Variants in CCDC158 observed in about 807,000 individuals in gnomAD.
The protein encoded by CCDC158 is coiled-coil domain-containing protein 158.
Under a neutral mutation model 138.6 loss-of-function variants are expected in CCDC158, and 116 were observed. The ratio of observed to expected loss-of-function variants is 0.84; its 90% CI spans 0.72 to 0.98. The LOEUF (loss-of-function observed/expected upper bound fraction) is 0.98. Ranked by LOEUF, CCDC158 falls within the 50% of genes least tolerant of loss-of-function variation. The probability of loss-of-function intolerance (pLI) is 0.00; values close to 1 mark genes in which losing one functional copy is unlikely to be tolerated. For synonymous variants in CCDC158, 436 were observed against 442.4 expected, an observed-to-expected ratio of 0.99 and a Z score of 0.18; for missense variants, 1,265 against 1,306.1, an observed-to-expected ratio of 0.97 and a Z score of 0.48.
chr4:76,391,260 G>A (rs547976222), intron 4 of CCDC158, among the ~76,000 whole-genome samples: 1 of 152,066 alleles, frequency 6.6e-6, no homozygotes, highest in South Asian at 2.1e-4. Flanking sequence ...TTCTCAAGGA[G>A]AGACTATACA....
chr4:76,314,718 G>A (rs1488996308), intron 24 of CCDC158, among the ~76,000 whole-genome samples: 2 of 152,126 alleles, frequency 1.3e-5, no homozygotes, highest in African/African-American at 4.8e-5. Flanking sequence ...AGCCTTGGAG[G>A]CATTCCCATT....
At chr4:76,316,550 G>A (rs1182618852) in intron 24 of CCDC158, among the ~76,000 whole-genome samples, 1 of 152,100 alleles carries the variant, frequency 6.6e-6, no homozygotes, top group African/African-American at 2.4e-5. Context: ...GGGAACAATT[G>A]AGGAAAATTT....
chr4:76,382,710 A>C lies in CCDC158; in HGVS notation c.814T>G (p.Leu272Val), dbSNP rs1422439409. 6.2e-7 allele frequency: 1 copy of C among 1,606,664 alleles called. No individual in the cohort carries two copies. Among genetic ancestry groups the C allele is most frequent in the Non-Finnish European group, 8.5e-7 (1 of 1,173,878 alleles). Reference sequence around the variant, plus strand: ...ATTTCAACTTCATGTTCACTTATTAACTGCTCAATCCTATAAAAAGAATGT... The same window carrying C: ...ATTTCAACTTCATGTTCACTTATTACCTGCTCAATCCTATAAAAAGAATGT... ...LQQHQDRIEQ[L>V]ISEHEVEITG... Residue 272 changes from leucine (L) to valine (V), a missense_variant, in exon 8 of 25, where the codon TTA becomes GTA. Leu to Val is a conservative substitution (Grantham distance 32). Coordinates refer to ENST00000682701, the MANE Select transcript of CCDC158 (RefSeq NM_001394954.1).
In CCDC158 at chr4:76,334,071, C is replaced by T; in HGVS notation, c.2761G>A (p.Val921Met). 1.2e-6 allele frequency: 2 copies of T among 1,613,954 alleles called. No individual in the cohort carries two copies. Among genetic ancestry groups the T allele is most frequent in the Non-Finnish European group, 1.7e-6 (2 of 1,179,836 alleles). The stretch of plus-strand genomic sequence containing the variant: ...TCTTCCTCTGTCTTGCTCAGAGACA[C>T]AGCTGGCTCCTCATTGATCACGCTT... ...LRSVINEEPA[V>M]SLSKTEEDGR... is the part of the protein sequence containing the mutation. Residue 921 changes from valine to methionine, a missense_variant, in exon 19 of 25, where the codon GTG becomes ATG. Transcript: ENST00000682701.
At chr4:76,379,235 T>C (rs1725993252) in intron 9 of CCDC158, 55 bp downstream of exon 9, 1 of 953,718 alleles carries the variant, frequency 1.0e-6, no homozygotes, top group Non-Finnish European at 1.6e-6. Context: ...ACTAATATAA[T>C]ATTGATTCTG....
intron 8 of CCDC158, among the ~76,000 whole-genome samples, chr4:76,382,220 C>T (rs1026132446): frequency 1.3e-5 from 2 of 152,052 alleles, no homozygotes; most frequent in Non-Finnish European, 2.9e-5. Flanking sequence ...TGCTTGCTTC[C>T]CCTTTGTTTT....
chr4:76,414,699 G>T (rs1426995123), intron 1 of CCDC158, among the ~76,000 whole-genome samples: 1 of 152,204 alleles, frequency 6.6e-6, no homozygotes, highest in Non-Finnish European at 1.5e-5. Context: ...TATGAGATCC[G>T]ATGGGGTTGT....
intron 24 of CCDC158, among the ~76,000 whole-genome samples, chr4:76,320,184 C>G (rs142152846): frequency 1.3e-5 from 2 of 152,276 alleles, no homozygotes; most frequent in East Asian, 3.9e-4. Context: ...AACCCAGCCC[C>G]TTTTATAACA....
In CCDC158 at chr4:76,371,476, C is replaced by T; in HGVS notation, c.1090G>A (p.Glu364Lys). Reference sequence around the variant, plus strand: ...GATTCCTGACTGAATTGATCACGCTCTGTCCGGGCTTCAGTTAGCTCTGAG... The same window carrying T: ...GATTCCTGACTGAATTGATCACGCTTTGTCCGGGCTTCAGTTAGCTCTGAG... ...ANSELTEART[E>K]RDQFSQESGN... Residue 364 changes from glutamate (E) to lysine (K), a missense_variant, in exon 10 of 25, where the codon GAG becomes AAG. Coordinates refer to ENST00000682701, the MANE Select transcript of CCDC158 (RefSeq NM_001394954.1). 1.2e-6 allele frequency: 2 copies of T among 1,614,150 alleles called. No homozygotes were observed. The highest frequency in any genetic ancestry group is 3.3e-4 in the Middle Eastern group (2 of 6,062).
chr4:76,375,755 G>A lies in CCDC158; in HGVS notation c.1029+3535C>T, dbSNP rs1285146922. 5.1e-6 allele frequency: 3 copies of A among 593,664 alleles called. No homozygotes were observed. The African/African-American group carries it at 5.7e-5, about 11-fold the overall frequency. The allele number at this position is 593,664 out of a possible 1,614,324, so 36.8% of individuals were successfully genotyped here. ...AACAGCATTACAGTAAAACACTTTT[G>A]TAAGCTACGAAAGCTACATCTCACA... is the stretch of plus-strand genomic sequence containing the variant. On this transcript the variant is annotated intron_variant, in intron 9 of 24. Coordinates refer to ENST00000682701, the MANE Select transcript of CCDC158 (RefSeq NM_001394954.1).
intron 2 of CCDC158, among the ~76,000 whole-genome samples, chr4:76,407,695 T>TAG (rs1728944330): frequency 6.6e-6 from 1 of 152,112 alleles, no homozygotes; most frequent in Non-Finnish European, 1.5e-5. Context: ...AGGACAGATA[T>TAG]AGAACCACAA....
At chr4:76,368,123 G>A (rs1181499005) in intron 11 of CCDC158, among the ~76,000 whole-genome samples, 1 of 152,102 alleles carries the variant, frequency 6.6e-6, no homozygotes, top group Non-Finnish European at 1.5e-5. Context: ...GACCAAGGTG[G>A]AGAGGGCTTA....
At chr4:76,373,393 G>C (rs1398019) in intron 9 of CCDC158, among the ~76,000 whole-genome samples, 96,214 of 152,056 alleles carry the variant, frequency 0.63, 30,855 homozygotes, top group East Asian at 0.8. Context: ...TGCATAAATG[G>C]TGCATATTCC....
intron 8 of CCDC158, among the ~76,000 whole-genome samples, chr4:76,381,875 G>A (rs1726281862): frequency 6.6e-6 from 1 of 152,048 alleles, no homozygotes; most frequent in Admixed American, 6.6e-5. Flanking sequence ...TGGAGACAGG[G>A]TTTCACCGTG....
intron 13 of CCDC158, among the ~76,000 whole-genome samples, chr4:76,360,647 G>A (rs1724040838): frequency 6.6e-6 from 1 of 152,218 alleles, no homozygotes; most frequent in South Asian, 2.1e-4. Context: ...AGACTTGCAT[G>A]GGCCCTGTAG....
At chr4:76,349,696 ATACT>A (rs769072797) in intron 18 of CCDC158, among the ~76,000 whole-genome samples, 8 of 152,198 alleles carry the variant, frequency 5.3e-5, no homozygotes, top group South Asian at 2.1e-4. Context: ...AAACAAATAA[ATACT>A]TAAGTTAAAA....
chr4:76,313,387 A>G, intron 24 of CCDC158, 141 bp from the exon 25 acceptor site: 1 of 512,004 alleles, frequency 2.0e-6, no homozygotes, highest in Non-Finnish European at 3.4e-6. Flanking sequence ...GTGATGTAGC[A>G]TATTTTTGAA....
Position 76,362,119 on chromosome 4 carries a change from AAC to A in CCDC158, c.2020+5_2020+6del, listed in dbSNP as rs1287163117. ...TTTTTAGTAGGATTTGTGCTGAAGC[AAC>A]ATACCTGAAAGATTGTTTAATTCAC... On this transcript the variant is annotated splice_donor_5th_base_variant and intron_variant, in intron 13 of 24. Transcript: ENST00000682701. The A allele has an allele frequency of 6.2e-7, 1 of 1,611,542 alleles. No homozygotes were observed. Among genetic ancestry groups the A allele is most frequent in the Admixed American group, 1.7e-5 (1 of 59,996 alleles).
At chr4:76,403,109 C>G in intron 3 of CCDC158, 29 bp downstream of exon 3, 1 of 1,476,794 alleles carries the variant, frequency 6.8e-7, no homozygotes, top group East Asian at 2.3e-5. Flanking sequence ...TCTATTTTTT[C>G]CCCATTTTGT....
Sources: gnomAD v4.1 joint callset for allele counts (sites outside exome capture counted in the v4.1 genomes callset) on GRCh38, gnomAD v4.1.1 for gene constraint, MANE v1.5 for transcripts, NCBI Gene and HGNC (gene_info 2026-07-23, HGNC 2026-07-21) for gene names.